The following EPHA6 variants were observed in gnomAD, a reference collection of about 807,000 sequenced individuals.
EPHA6 encodes EPH receptor A6, also known as ephrin type-A receptor 6.
Under a neutral mutation model 112.0 loss-of-function variants are expected in EPHA6, and 50 were observed. The ratio of observed to expected loss-of-function variants is 0.45; its 90% CI spans 0.36 to 0.56. The LOEUF is 0.56. Among genes scored for constraint, EPHA6 ranks in the 20% least tolerant of loss-of-function variants. The probability of loss-of-function intolerance (pLI) is 0.00; values close to 1 mark genes in which losing one functional copy is unlikely to be tolerated. For synonymous variants in EPHA6, 529 were observed against 490.7 expected (o/e 1.08, Z -1.03); for missense variants, 1,280 against 1,417.4 (o/e 0.90, Z 1.56).
chr3:97,400,873 T>G (rs2086953351), intron 5 of EPHA6, among the ~76,000 whole-genome samples: 1 of 151,800 alleles, frequency 6.6e-6, no homozygotes, highest in African/African-American at 2.4e-5. Context: ...AGGGAGAATT[T>G]TACTTCCTCC....
chr3:97,030,991 G>A (rs895423639), intron 3 of EPHA6, among the ~76,000 whole-genome samples: 2 of 151,976 alleles, frequency 1.3e-5, no homozygotes, highest in Non-Finnish European at 2.9e-5. Flanking sequence ...TCATAATTAT[G>A]AGGTCATCCT....
intron 5 of EPHA6, among the ~76,000 whole-genome samples, chr3:97,245,728 C>A (rs915192391): frequency 6.6e-6 from 1 of 151,636 alleles, no homozygotes; most frequent in African/African-American, 2.4e-5. Flanking sequence ...TGGAGGAGGG[C>A]AGTGTGGCTA....
At chr3:97,093,518 C>T (rs1302704421) in intron 3 of EPHA6, among the ~76,000 whole-genome samples, 1 of 151,934 alleles carries the variant, frequency 6.6e-6, no homozygotes, top group Non-Finnish European at 1.5e-5. Flanking sequence ...TAACTGCACT[C>T]CAGCCTGGGT....
chr3:97,200,170 A>G (rs543526711), intron 3 of EPHA6, among the ~76,000 whole-genome samples: 3 of 152,274 alleles, frequency 2.0e-5, no homozygotes, highest in African/African-American at 4.8e-5. Flanking sequence ...CAGGCACTCA[A>G]TCAAGTATAA....
chr3:97,731,254 A>C (rs1020503041), intron 15 of EPHA6, among the ~76,000 whole-genome samples: 2 of 152,092 alleles, frequency 1.3e-5, no homozygotes, highest in Non-Finnish European at 2.9e-5. Flanking sequence ...TCACTGGAAG[A>C]ATGGCAGTAC....
Position 97,638,097 on chromosome 3 carries a change from C to G in EPHA6, c.2784+15C>G, listed in dbSNP as rs2093965584. 2 of 1,579,266 alleles carry G rather than the reference C, an allele frequency of 1.3e-6. No individual in the cohort carries two copies. Among genetic ancestry groups the G allele is most frequent in the Non-Finnish European group, 1.7e-6 (2 of 1,150,554 alleles). On this transcript the variant is annotated intron_variant, in intron 14 of 17. Transcript: ENST00000389672. Reference sequence around the variant, plus strand: ...ATACAACAACTGTAAGTTTATATGCCCTTTCCTAATATAGTCTGTTTACTT... The same window carrying G: ...ATACAACAACTGTAAGTTTATATGCGCTTTCCTAATATAGTCTGTTTACTT...
chr3:97,497,849 G>A (rs1387203913), intron 10 of EPHA6, among the ~76,000 whole-genome samples: 2 of 151,978 alleles, frequency 1.3e-5, no homozygotes, highest in Admixed American at 6.6e-5. Context: ...AATTTTAGGA[G>A]AATTACATAG....
At chr3:97,538,612 C>A (rs1028846029) in intron 11 of EPHA6, among the ~76,000 whole-genome samples, 3 of 152,102 alleles carry the variant, frequency 2.0e-5, no homozygotes, top group East Asian at 3.9e-4. Flanking sequence ...ATTAAGAGGC[C>A]AACTGAAGAA....
At chr3:97,406,388 AG>A (rs1307985170) in intron 6 of EPHA6, among the ~76,000 whole-genome samples, 7 of 152,116 alleles carry the variant, frequency 4.6e-5, no homozygotes, top group Non-Finnish European at 1.0e-4. Flanking sequence ...CCAGGGTGAG[AG>A]AGAAGCAAAA....
intron 13 of EPHA6, among the ~76,000 whole-genome samples, chr3:97,618,030 A>G (rs952848482): frequency 2.0e-5 from 3 of 152,154 alleles, no homozygotes; most frequent in Admixed American, 1.3e-4. Flanking sequence ...CATAATTGGA[A>G]GTAAATCACT....
intron 2 of EPHA6, among the ~76,000 whole-genome samples, chr3:96,920,162 T>A (rs1272574907): frequency 6.6e-6 from 1 of 151,978 alleles, no homozygotes; most frequent in Non-Finnish European, 1.5e-5. Flanking sequence ...AAAACATTAA[T>A]AACCTTTAGT....
rs774968509 is a variant in EPHA6 at position 97,285,370 on chromosome 3, A to C, written c.1606+41083A>C. The stretch of plus-strand genomic sequence containing the variant: ...TGTACCTATTAACCAGCCTCTCTTC[A>C]TTGCTCTCTCCCACTCTTCCTATCC... On this transcript the variant is annotated intron_variant, in intron 5 of 17. Transcript: ENST00000389672. Among the ~76,000 whole-genome samples, 28 of 152,090 alleles carry C rather than the reference A, an allele frequency of 1.8e-4. No homozygotes were observed. In the South Asian group the frequency reaches 1.9e-3, roughly 10 times the overall value.
chr3:97,232,991 C>T (rs2078573448), intron 4 of EPHA6, among the ~76,000 whole-genome samples: 1 of 152,072 alleles, frequency 6.6e-6, no homozygotes, highest in Non-Finnish European at 1.5e-5. Context: ...GCAATTTTGC[C>T]TCTTATGTAC....
chr3:97,486,027 A>G (rs1029279239), intron 10 of EPHA6, among the ~76,000 whole-genome samples: 2 of 152,306 alleles, frequency 1.3e-5, no homozygotes, highest in Non-Finnish European at 2.9e-5. Context: ...ATTTTTAGAT[A>G]TTTTTTCAAG....
At chr3:97,423,732 G>A (rs554196522) in intron 6 of EPHA6, among the ~76,000 whole-genome samples, 1 of 152,098 alleles carries the variant, frequency 6.6e-6, no homozygotes, top group Admixed American at 6.5e-5. Context: ...AAAGCTGGAG[G>A]CATCACATTA....
intron 9 of EPHA6, among the ~76,000 whole-genome samples, chr3:97,480,685 C>T (rs1343981873): frequency 7.9e-5 from 12 of 152,212 alleles, no homozygotes; most frequent in Admixed American, 2.6e-4. Context: ...CCACATTTCC[C>T]CCTTTTCTAT....
At chr3:97,421,114 C>T (rs1443734025) in intron 6 of EPHA6, among the ~76,000 whole-genome samples, 1 of 151,868 alleles carries the variant, frequency 6.6e-6, no homozygotes, top group African/African-American at 2.4e-5. Context: ...CACTACTTCT[C>T]CCAAAACAAG....
chr3:97,008,307 T>G (rs1223861157), intron 3 of EPHA6, among the ~76,000 whole-genome samples: 1 of 152,188 alleles, frequency 6.6e-6, no homozygotes, highest in Non-Finnish European at 1.5e-5. Context: ...TCATTATTTT[T>G]CATTCTTTTT....
chr3:97,452,311 G>T (rs11929502), intron 7 of EPHA6, among the ~76,000 whole-genome samples: 40,477 of 151,600 alleles, frequency 0.27, 9,866 homozygotes, highest in African/African-American at 0.64. Context: ...CCCCTCTACC[G>T]AAATCTATAA....
Sources: allele counts gnomAD v4.1 joint callset (sites outside exome capture counted in the v4.1 genomes callset), GRCh38; gene constraint gnomAD v4.1.1; transcripts MANE v1.5; gene names NCBI Gene and HGNC (gene_info 2026-07-23, HGNC 2026-07-21).